Variants in FARP1 observed in about 807,000 individuals in gnomAD.
The protein encoded by FARP1 is FERM, ARHGEF and pleckstrin domain-containing protein 1.
A neutral mutation model predicts 128.8 loss-of-function variants in FARP1; 52 were observed. The ratio of observed to expected loss-of-function variants is 0.40; its 90% CI spans 0.32 to 0.51. FARP1 has a LOEUF of 0.51. Ranked by LOEUF, FARP1 falls within the 20% of genes least tolerant of loss-of-function variation. The pLI is 0.45. For synonymous variants in FARP1, 580 were observed against 551.8 expected (o/e 1.05, Z -0.72); for missense variants, 1,333 against 1,367.9 (o/e 0.97, Z 0.40).
chr13:98,350,635 C>G (rs1888378222), intron 3 of FARP1, among the ~76,000 whole-genome samples: 1 of 152,162 alleles, frequency 6.6e-6, no homozygotes, highest in Non-Finnish European at 1.5e-5. Flanking sequence ...CTTCCCTGTG[C>G]TCCTCCAGTT....
At chr13:98,154,681 C>T (rs1745609436) in intron 1 of FARP1, among the ~76,000 whole-genome samples, 1 of 152,116 alleles carries the variant, frequency 6.6e-6, no homozygotes, top group African/African-American at 2.4e-5. Context: ...TGTGAATATA[C>T]AGGGATAATC....
chr13:98,346,186 A>ATTTTTTTT (rs10555277), intron 3 of FARP1, among the ~76,000 whole-genome samples: 22 of 105,674 alleles, frequency 2.1e-4, no homozygotes, highest in Non-Finnish European at 3.5e-4. Flanking sequence ...ATTGCATATA[A>ATTTTTTTT]TTTTTTTTTT....
chr13:98,429,742 G>A (rs566755497), intron 17 of FARP1, among the ~76,000 whole-genome samples: 1 of 152,272 alleles, frequency 6.6e-6, no homozygotes, highest in East Asian at 1.9e-4. Flanking sequence ...GAGTGGAGAA[G>A]CCACTGAGGT....
chr13:98,157,758 C>T (rs1177575553), intron 1 of FARP1, among the ~76,000 whole-genome samples: 1 of 152,184 alleles, frequency 6.6e-6, no homozygotes, highest in Non-Finnish European at 1.5e-5. Flanking sequence ...TCACTTAGAG[C>T]AACTTCTACT....
chr13:98,446,061 G>A (rs755940703), intron 24 of FARP1, 37 bp from the exon 25 acceptor site: 6 of 1,413,882 alleles, frequency 4.2e-6, no homozygotes, highest in Admixed American at 1.7e-5. Flanking sequence ...TGGGGCAGGT[G>A]CCCGCTGTGC....
At chr13:98,293,042 T>A (rs1411108187) in intron 2 of FARP1, among the ~76,000 whole-genome samples, 2 of 150,924 alleles carry the variant, frequency 1.3e-5, no homozygotes, top group Non-Finnish European at 3.0e-5. Flanking sequence ...AGAGGTGGAG[T>A]GAATTTTGAA....
At chr13:98,183,413 A>C (rs1878659211) in intron 1 of FARP1, among the ~76,000 whole-genome samples, 1 of 152,032 alleles carries the variant, frequency 6.6e-6, no homozygotes. Context: ...TTTTATCTTT[A>C]ATATTTTTGA....
chr13:98,158,759 G>C (rs1299548001), intron 1 of FARP1, among the ~76,000 whole-genome samples: 2 of 152,148 alleles, frequency 1.3e-5, no homozygotes, highest in Non-Finnish European at 2.9e-5. Flanking sequence ...GGGGCTAAGA[G>C]ACTGTCTGGT....
chr13:98,246,336 C>CCA (rs35036482), intron 2 of FARP1, among the ~76,000 whole-genome samples: 1 of 148,638 alleles, frequency 6.7e-6, no homozygotes, highest in African/African-American at 2.5e-5. Flanking sequence ...ACCTCGTGAT[C>CCA]CCCGCCTCGG....
intron 1 of FARP1, among the ~76,000 whole-genome samples, chr13:98,180,534 T>A (rs1214608315): frequency 6.6e-6 from 1 of 152,228 alleles, no homozygotes; most frequent in African/African-American, 2.4e-5. Context: ...TGATACTTGA[T>A]TCTTGCAGTT....
intron 2 of FARP1, among the ~76,000 whole-genome samples, chr13:98,224,640 T>A (rs1399727273): frequency 6.6e-6 from 1 of 151,112 alleles, no homozygotes; most frequent in Non-Finnish European, 1.5e-5. Flanking sequence ...TCTTCTTGAC[T>A]ACCCATCCCT....
chr13:98,386,187 CTTTTTTTT>C (rs138218092), intron 8 of FARP1, among the ~76,000 whole-genome samples: 1 of 93,032 alleles, frequency 1.1e-5, no homozygotes, highest in Non-Finnish European at 2.1e-5. Context: ...TAATGTGATC[CTTTTTTTT>C]TTTTTTTTTT....
chr13:98,331,161 T>TA (rs1887492457), intron 2 of FARP1, among the ~76,000 whole-genome samples: 1 of 152,226 alleles, frequency 6.6e-6, no homozygotes, highest in Non-Finnish European at 1.5e-5. Flanking sequence ...CTCATATTTT[T>TA]AAAAAATGTG....
At chr13:98,213,985 C>T (rs1880902911) in intron 2 of FARP1, among the ~76,000 whole-genome samples, 3 of 152,156 alleles carry the variant, frequency 2.0e-5, no homozygotes, top group Admixed American at 2.0e-4. Flanking sequence ...CCGAGCCTGC[C>T]ATATGGCAGC....
chr13:98,153,289 T>A (rs1468768456), intron 1 of FARP1, among the ~76,000 whole-genome samples: 2 of 12,838 alleles, frequency 1.6e-4, no homozygotes, highest in African/African-American at 2.2e-4. Flanking sequence ...ATATATAAAA[T>A]ATATATAAAT....
At chr13:98,305,769 A>G (rs1886122297) in intron 2 of FARP1, among the ~76,000 whole-genome samples, 1 of 152,174 alleles carries the variant, frequency 6.6e-6, no homozygotes, top group Non-Finnish European at 1.5e-5. Context: ...AGTCTCTCAA[A>G]GGGCCAGTGT....
At chr13:98,231,363 G>GTT (rs60143553) in intron 2 of FARP1, among the ~76,000 whole-genome samples, 19,651 of 152,070 alleles carry the variant, frequency 0.13, 3,054 homozygotes, top group East Asian at 0.49. Context: ...CAGTCAAGCA[G>GTT]TTTTACAGGG....
At chr13:98,429,022 A>G (rs1891901125) in intron 17 of FARP1, among the ~76,000 whole-genome samples, 1 of 152,188 alleles carries the variant, frequency 6.6e-6, no homozygotes, top group South Asian at 2.1e-4. Flanking sequence ...ATTGTACTCT[A>G]GTTTTGCAGG....
chr13:98,447,562 C>G (rs549234133), intron 26 of FARP1: 7 of 152,722 alleles, frequency 4.6e-5, no homozygotes, highest in Admixed American at 3.3e-4. Context: ...AGCGGCATCC[C>G]TGGCCACCCA....
Sources: gnomAD v4.1 joint callset for allele counts (sites outside exome capture counted in the v4.1 genomes callset) on GRCh38, gnomAD v4.1.1 for gene constraint, MANE v1.5 for transcripts, NCBI Gene and HGNC (gene_info 2026-07-23, HGNC 2026-07-21) for gene names.